The following BIRC6 variants were observed in gnomAD, a reference collection of about 807,000 sequenced individuals.
BIRC6 encodes the protein baculoviral IAP repeat containing 6.
BIRC6 carries 98 observed loss-of-function variants against 503.3 expected under a neutral mutation model. The ratio of observed to expected loss-of-function variants is 0.19; its 90% CI spans 0.17 to 0.23. BIRC6 has a LOEUF of 0.23. Among genes scored for constraint, BIRC6 ranks in the 10% least tolerant of loss-of-function variants. The pLI is 1.00. For missense variants in BIRC6, 5,360 were observed against 5,806.0 expected (o/e 0.92, Z 2.50); for synonymous variants, 2,240 against 2,078.7 (o/e 1.08, Z -2.11).
At chr2:32,552,429 G>A (rs1173033303) in intron 65 of BIRC6, among the ~76,000 whole-genome samples, 1 of 152,210 alleles carries the variant, frequency 6.6e-6, no homozygotes, top group African/African-American at 2.4e-5. Context: ...CTGACCATAA[G>A]GATCAACAAT....
intron 65 of BIRC6, among the ~76,000 whole-genome samples, chr2:32,567,769 T>G (rs1034020197): frequency 6.6e-6 from 1 of 151,946 alleles, no homozygotes; most frequent in Non-Finnish European, 1.5e-5. Flanking sequence ...AGAAAATGGA[T>G]TAGATGGATG....
intron 61 of BIRC6, among the ~76,000 whole-genome samples, chr2:32,541,217 G>A (rs953104369): frequency 2.0e-5 from 3 of 151,890 alleles, no homozygotes; most frequent in Non-Finnish European, 2.9e-5. Context: ...TAAATATAGA[G>A]GATCTTTAAA....
intron 21 of BIRC6, among the ~76,000 whole-genome samples, chr2:32,447,425 G>T (rs1345538903): frequency 1.4e-5 from 2 of 142,684 alleles, no homozygotes; most frequent in African/African-American, 5.2e-5. Flanking sequence ...CTGGCCGGGC[G>T]GGGGGCTGAC....
At chr2:32,480,386 T>C (rs1281026201) in intron 37 of BIRC6, among the ~76,000 whole-genome samples, 1 of 152,138 alleles carries the variant, frequency 6.6e-6, no homozygotes, top group Non-Finnish European at 1.5e-5. Context: ...GAATTTCTCT[T>C]AATTTATTGG....
chr2:32,571,369 G>T (rs1393029652), intron 65 of BIRC6, among the ~76,000 whole-genome samples: 1 of 129,012 alleles, frequency 7.8e-6, no homozygotes, highest in Non-Finnish European at 1.6e-5. Context: ...GAATTCATGT[G>T]GTCCTGGGCT....
intron 50 of BIRC6, among the ~76,000 whole-genome samples, chr2:32,507,618 A>G (rs2053944947): frequency 6.6e-6 from 1 of 152,214 alleles, no homozygotes; most frequent in South Asian, 2.1e-4. Context: ...GTAGTTTTGT[A>G]TTATTTGTGA....
At chr2:32,373,427 AT>A (rs1352164178) in intron 1 of BIRC6, among the ~76,000 whole-genome samples, 1 of 152,212 alleles carries the variant, frequency 6.6e-6, no homozygotes, top group Non-Finnish European at 1.5e-5. Flanking sequence ...GAAATAAACT[AT>A]TGCATATATG....
chr2:32,543,483 A>G lies in BIRC6; in HGVS notation c.12534A>G (p.Arg4178=), dbSNP rs769111564. 14 of 1,613,910 alleles carry G rather than the reference A, an allele frequency of 8.7e-6. No individual in the cohort carries two copies. The African/African-American group carries it at 1.6e-4, about 18-fold the overall frequency. The part of the protein sequence containing the change: ...PGYAEVLLKE[R]KHAQCLLRLV... ...ATGCGGAAGTGCTACTGAAAGAGAGAAAACATGCCCAGTGCCTTCTTCGAT... is the reference window on the plus strand; with the variant it reads ...ATGCGGAAGTGCTACTGAAAGAGAGGAAACATGCCCAGTGCCTTCTTCGAT... Residue 4178 remains arginine (R), a synonymous_variant, in exon 62 of 74, where the codon AGA becomes AGG. Coordinates refer to ENST00000421745, the MANE Select transcript of BIRC6 (RefSeq NM_016252.4).
chr2:32,559,824 G>C (rs2059034926), intron 65 of BIRC6, among the ~76,000 whole-genome samples: 1 of 151,980 alleles, frequency 6.6e-6, no homozygotes, highest in Admixed American at 6.6e-5. Context: ...GGTTTGCCTG[G>C]CCAACATGGT....
At chr2:32,409,964 T>A (rs1025394547) in intron 9 of BIRC6, among the ~76,000 whole-genome samples, 1 of 152,232 alleles carries the variant, frequency 6.6e-6, no homozygotes, top group Non-Finnish European at 1.5e-5. Flanking sequence ...ACATGTTGAA[T>A]AAATATTTGA....
At chr2:32,512,412 A>G (rs1206230586) in intron 53 of BIRC6, among the ~76,000 whole-genome samples, 1 of 152,228 alleles carries the variant, frequency 6.6e-6, no homozygotes, top group Middle Eastern at 3.2e-3. Context: ...TAGTGGGGTT[A>G]GTTGACCTAT....
intron 34 of BIRC6, among the ~76,000 whole-genome samples, chr2:32,477,042 T>C (rs748248084): frequency 2.6e-5 from 4 of 152,232 alleles, no homozygotes; most frequent in African/African-American, 4.8e-5. Context: ...CTTCAAGCTT[T>C]TACAAATTAT....
At chr2:32,583,805 A>G (rs1297341557) in intron 66 of BIRC6, among the ~76,000 whole-genome samples, 2 of 152,144 alleles carry the variant, frequency 1.3e-5, no homozygotes, top group African/African-American at 4.8e-5. Context: ...ATCTTGGCTC[A>G]CTGCAGCCTC....
intron 52 of BIRC6, 55 bp from the exon 53 acceptor site, chr2:32,510,471 C>G: frequency 9.9e-7 from 1 of 1,013,326 alleles, no homozygotes; most frequent in Non-Finnish European, 1.5e-6. Flanking sequence ...AGTAAATCTT[C>G]CCATGGTTAA....
intron 65 of BIRC6, among the ~76,000 whole-genome samples, chr2:32,554,418 G>T (rs978931238): frequency 2.6e-5 from 4 of 152,098 alleles, no homozygotes; most frequent in Admixed American, 1.3e-4. Context: ...TAGTAACGTG[G>T]TGATTATTAA....
intron 1 of BIRC6, among the ~76,000 whole-genome samples, chr2:32,358,449 G>T (rs1209874683): frequency 6.6e-6 from 1 of 152,182 alleles, no homozygotes; most frequent in Non-Finnish European, 1.5e-5. Context: ...AGATTTGGCG[G>T]AGATGACATT....
chr2:32,398,746 A>T (rs1454997127), intron 6 of BIRC6, among the ~76,000 whole-genome samples: 1 of 152,146 alleles, frequency 6.6e-6, no homozygotes, highest in Admixed American at 6.5e-5. Context: ...AACTTATATA[A>T]ATAAAATTTT....
chr2:32,497,281 C>T (rs1453166177), intron 45 of BIRC6, among the ~76,000 whole-genome samples: 1 of 152,210 alleles, frequency 6.6e-6, no homozygotes, highest in Non-Finnish European at 1.5e-5. Context: ...TTAGCTGGCC[C>T]AATCGGCATA....
intron 47 of BIRC6, among the ~76,000 whole-genome samples, 152 bp from the exon 48 acceptor site, chr2:32,502,643 A>G (rs1176758523): frequency 6.6e-6 from 1 of 152,140 alleles, no homozygotes; most frequent in Non-Finnish European, 1.5e-5. Flanking sequence ...TTCAGGTAAG[A>G]TTTCTTATGT....
Sources: allele counts gnomAD v4.1 joint callset (sites outside exome capture counted in the v4.1 genomes callset), GRCh38; gene constraint gnomAD v4.1.1; transcripts MANE v1.5; gene names NCBI Gene and HGNC (gene_info 2026-07-23, HGNC 2026-07-21).